SLC2A13: variants seen among roughly 807,000 people sequenced by gnomAD.
SLC2A13 encodes the protein solute carrier family 2 member 13, also known as proton myo-inositol cotransporter.
Under a neutral mutation model 64.4 loss-of-function variants are expected in SLC2A13, and 32 were observed. That is an observed-to-expected ratio of 0.50 (90% CI 0.37 to 0.67). The LOEUF (loss-of-function observed/expected upper bound fraction) is 0.67, where lower values mean the gene tolerates loss of function less well. Among genes scored for constraint, SLC2A13 ranks in the 30% least tolerant of loss-of-function variants. The probability of loss-of-function intolerance (pLI) is 0.00; values close to 1 mark genes in which losing one functional copy is unlikely to be tolerated. For missense variants in SLC2A13, 743 were observed against 829.2 expected (o/e 0.90, Z 1.28); for synonymous variants, 338 against 327.1 (o/e 1.03, Z -0.36).
At chr12:39,967,268 T>A (rs1946536089) in intron 3 of SLC2A13, among the ~76,000 whole-genome samples, 1 of 152,234 alleles carries the variant, frequency 6.6e-6, no homozygotes, top group South Asian at 2.1e-4. Context: ...TCTAGCATTA[T>A]ATTCATTAGC....
chr12:40,034,436 A>T (rs1947947684), intron 2 of SLC2A13, among the ~76,000 whole-genome samples: 1 of 152,208 alleles, frequency 6.6e-6, no homozygotes. Flanking sequence ...GCTCACTGAC[A>T]ATCTCTGAAA....
At chr12:39,930,503 CT>C (rs1945807980) in intron 4 of SLC2A13, among the ~76,000 whole-genome samples, 1 of 152,072 alleles carries the variant, frequency 6.6e-6, no homozygotes, top group Non-Finnish European at 1.5e-5. Context: ...AGCATTTCAT[CT>C]TCCATAATGA....
At chr12:39,820,413 T>C (rs902431005) in intron 7 of SLC2A13, among the ~76,000 whole-genome samples, 1 of 152,190 alleles carries the variant, frequency 6.6e-6, no homozygotes, top group African/African-American at 2.4e-5. Context: ...TGAATGTCTA[T>C]GCATATTCCA....
At chr12:39,999,868 TA>T (rs1425429077) in intron 3 of SLC2A13, among the ~76,000 whole-genome samples, 1 of 152,204 alleles carries the variant, frequency 6.6e-6, no homozygotes, top group African/African-American at 2.4e-5. Flanking sequence ...TTGAAATCCT[TA>T]ATAAAACTTG....
chr12:39,807,173 T>A (rs180778806), intron 7 of SLC2A13, among the ~76,000 whole-genome samples: 3 of 152,316 alleles, frequency 2.0e-5, no homozygotes, highest in Admixed American at 1.3e-4. Flanking sequence ...TGCGCCAACC[T>A]AGTGGTCATG....
At chr12:40,071,132 T>C (rs2136269367) in intron 1 of SLC2A13, among the ~76,000 whole-genome samples, 1 of 152,270 alleles carries the variant, frequency 6.6e-6, no homozygotes, top group South Asian at 2.1e-4. Flanking sequence ...CTGCTAAGCA[T>C]CTTAAAAAGT....
chr12:40,017,976 TA>T (rs5797648), intron 3 of SLC2A13, among the ~76,000 whole-genome samples: 4,006 of 128,508 alleles, frequency 0.031, 158 homozygotes, highest in Admixed American at 0.12. Context: ...TGCACATATT[TA>T]AAAAAAAAAA....
At chr12:39,985,593 C>A (rs1947016790) in intron 3 of SLC2A13, among the ~76,000 whole-genome samples, 1 of 152,062 alleles carries the variant, frequency 6.6e-6, no homozygotes. Flanking sequence ...AGGTTGTAGA[C>A]AAGAAGGCTG....
At chr12:39,940,400 T>C (rs1945999102) in intron 4 of SLC2A13, among the ~76,000 whole-genome samples, 1 of 152,100 alleles carries the variant, frequency 6.6e-6, no homozygotes, top group Non-Finnish European at 1.5e-5. Flanking sequence ...TGTTTCCTGA[T>C]TGCGTGGTAA....
intron 4 of SLC2A13, among the ~76,000 whole-genome samples, chr12:39,928,865 T>C (rs1266632827): frequency 6.6e-6 from 1 of 152,158 alleles, no homozygotes; most frequent in Non-Finnish European, 1.5e-5. Flanking sequence ...TGGAAAGTCT[T>C]AAGAATTGGA....
intron 4 of SLC2A13, among the ~76,000 whole-genome samples, chr12:39,919,704 ATATTT>A (rs925372909): frequency 1.3e-5 from 2 of 152,094 alleles, no homozygotes; most frequent in African/African-American, 2.4e-5. Flanking sequence ...GGTACTGACA[ATATTT>A]TATAACATTC....
rs569982659 is a variant in SLC2A13 at position 39,901,955 on chromosome 12, A to G, written c.1035-29994T>C. Among the ~76,000 whole-genome samples the G allele has an allele frequency of 9.2e-5, 14 of 152,232 alleles. 1 individual carries two copies. Among genetic ancestry groups the G allele is most frequent in the Admixed American group, 6.5e-4 (10 of 15,288 alleles). On this transcript the variant is annotated intron_variant, in intron 4 of 9. Coordinates refer to ENST00000280871, the MANE Select transcript of SLC2A13 (RefSeq NM_052885.4). ...TTGGAACCAACCAAAATGTCCATCA[A>G]TGATAGACTGGATTAAGAAAATGTG...
At chr12:40,063,767 G>C (rs543941742) in intron 1 of SLC2A13, among the ~76,000 whole-genome samples, 1 of 152,214 alleles carries the variant, frequency 6.6e-6, no homozygotes, top group South Asian at 2.1e-4. Flanking sequence ...TTAAAGACTT[G>C]ACTTCATGTT....
intron 7 of SLC2A13, among the ~76,000 whole-genome samples, chr12:39,785,482 C>T (rs4397916): frequency 0.76 from 115,143 of 152,112 alleles, 44,437 homozygotes; most frequent in Non-Finnish European, 0.83. Context: ...GCTGCAGGGG[C>T]GAGGCCCTCA....
chr12:40,077,668 G>GT (rs1565617125), intron 1 of SLC2A13, among the ~76,000 whole-genome samples: 1 of 152,260 alleles, frequency 6.6e-6, no homozygotes, highest in East Asian at 1.9e-4. Context: ...TTTTAGAATA[G>GT]TTTTTTCTAA....
intron 1 of SLC2A13, among the ~76,000 whole-genome samples, chr12:40,102,020 A>C (rs1939167697): frequency 6.6e-6 from 1 of 152,198 alleles, no homozygotes; most frequent in African/African-American, 2.4e-5. Flanking sequence ...TCATCTGCTG[A>C]ACACCTACTC....
chr12:40,052,535 A>C (rs1948276369), intron 1 of SLC2A13, among the ~76,000 whole-genome samples: 1 of 152,174 alleles, frequency 6.6e-6, no homozygotes, highest in South Asian at 2.1e-4. Flanking sequence ...AGCCTGTAAC[A>C]AAGGGAGTAA....
At chr12:39,842,009 T>G (rs909592245) in intron 6 of SLC2A13, among the ~76,000 whole-genome samples, 2 of 152,040 alleles carry the variant, frequency 1.3e-5, no homozygotes, top group African/African-American at 4.8e-5. Flanking sequence ...ATTGGCATCA[T>G]GAGGGAGGCT....
chr12:40,065,244 A>G (rs1937675791), intron 1 of SLC2A13, among the ~76,000 whole-genome samples: 1 of 152,100 alleles, frequency 6.6e-6, no homozygotes, highest in Admixed American at 6.6e-5. Flanking sequence ...TTAATAACTT[A>G]CTCAAATCTC....
Sources: allele counts gnomAD v4.1 joint callset (sites outside exome capture counted in the v4.1 genomes callset), GRCh38; gene constraint gnomAD v4.1.1; transcripts MANE v1.5; gene names NCBI Gene and HGNC (gene_info 2026-07-23, HGNC 2026-07-21).